The following BBOF1 variants were observed in gnomAD, a reference collection of about 807,000 sequenced individuals.
BBOF1 encodes basal body orientation factor 1.
Under a neutral mutation model 68.0 loss-of-function variants are expected in BBOF1, and 62 were observed. That is an observed-to-expected ratio of 0.91 (90% confidence interval 0.74 to 1.13). The LOEUF is 1.13. Among genes scored for constraint, BBOF1 ranks in the 50% most tolerant of loss-of-function variants. The probability of loss-of-function intolerance (pLI) is 0.00; values close to 1 mark genes in which losing one functional copy is unlikely to be tolerated. For synonymous variants in BBOF1, 208 were observed against 198.8 expected, an observed-to-expected ratio of 1.05 and a Z score of -0.39; for missense variants, 534 against 600.1, an observed-to-expected ratio of 0.89 and a Z score of 1.15.
chr14:74,076,098 T>G (rs1273163266), intron 9 of BBOF1, among the ~76,000 whole-genome samples: 2 of 152,212 alleles, frequency 1.3e-5, no homozygotes, highest in East Asian at 3.8e-4. Flanking sequence ...GTGATGGACA[T>G]ATGTTCATTA....
chr14:74,064,522 T>C (rs2139760635), intron 11 of BBOF1, among the ~76,000 whole-genome samples, 166 bp from the exon 12 acceptor site: 1 of 152,122 alleles, frequency 6.6e-6, no homozygotes, highest in East Asian at 1.9e-4. Context: ...GATTAGGAGT[T>C]AGTCAGATGA....
In BBOF1 at chr14:74,057,139, T is replaced by A. The variant is rs567096598; in HGVS notation, c.1464-5T>A. 1 of 1,609,960 alleles carries A rather than the reference T, an allele frequency of 6.2e-7. No individual in the cohort carries two copies. The highest frequency in any genetic ancestry group is 1.7e-5 in the Admixed American group (1 of 59,630). On this transcript the variant is annotated splice_region_variant and splice_polypyrimidine_tract_variant and intron_variant, in intron 10 of 11. Transcript: ENST00000394009. ...GACGGTTCTGTTATTTTGTCATTAT[T>A]GCAGGGATGAAAGTAAGCTTCAAGA...
chr14:74,066,481 CT>C (rs2060467736), downstream of BBOF1, among the ~76,000 whole-genome samples: 3 of 152,140 alleles, frequency 2.0e-5, no homozygotes, highest in Non-Finnish European at 4.4e-5. Context: ...CTGGAAATAT[CT>C]ATCCCTTTAT....
At chr14:74,057,800 T>TTA in intron 11 of BBOF1, 1 of 1,043,176 alleles carries the variant, frequency 9.6e-7, no homozygotes, top group Admixed American at 5.2e-5. Context: ...TGAATATAAC[T>TTA]GATGAGTTTT....
At chr14:74,060,428 A>T (rs930228472) in intron 11 of BBOF1, 3 of 564,198 alleles carry the variant, frequency 5.3e-6, no homozygotes, top group Non-Finnish European at 9.6e-6. Context: ...TTACCTCAAA[A>T]TAGAAGTATG....
At chr14:74,063,576 G>A (rs1240672790) in intron 11 of BBOF1, among the ~76,000 whole-genome samples, 3 of 151,918 alleles carry the variant, frequency 2.0e-5, no homozygotes, top group African/African-American at 4.8e-5. Context: ...GCATAAAGAA[G>A]GTATCCTGGT....
At chr14:74,020,936 G>T (rs2059274704) in intron 1 of BBOF1, among the ~76,000 whole-genome samples, 1 of 152,144 alleles carries the variant, frequency 6.6e-6, no homozygotes, top group Non-Finnish European at 1.5e-5. Context: ...GAATGGAGCT[G>T]GCCTTAATTT....
At chr14:74,026,056 G>T (rs1028023477) in intron 2 of BBOF1, among the ~76,000 whole-genome samples, 2 of 151,490 alleles carry the variant, frequency 1.3e-5, no homozygotes, top group Non-Finnish European at 2.9e-5. Flanking sequence ...CACGAGAATT[G>T]CTTGAACCCA....
intron 6 of BBOF1, 134 bp downstream of exon 6, chr14:74,046,264 T>A: frequency 1.5e-6 from 1 of 653,288 alleles, no homozygotes; most frequent in Non-Finnish European, 2.5e-6. Context: ...CTACTGTCCC[T>A]CCCTGTTTCT....
intron 8 of BBOF1, among the ~76,000 whole-genome samples, chr14:74,050,961 A>C (rs908486944): frequency 6.6e-6 from 1 of 151,958 alleles, no homozygotes. Flanking sequence ...TACAAAAATT[A>C]GGCTGGGTGT....
intron 2 of BBOF1, among the ~76,000 whole-genome samples, chr14:74,024,746 A>G (rs370810060): frequency 1.3e-5 from 2 of 152,088 alleles, no homozygotes; most frequent in Admixed American, 6.6e-5. Context: ...GATTGCAAGC[A>G]TGAGCCACCA....
At chr14:74,020,652 C>T (rs779228642) in intron 1 of BBOF1, among the ~76,000 whole-genome samples, 5 of 152,134 alleles carry the variant, frequency 3.3e-5, no homozygotes, top group Non-Finnish European at 5.9e-5. Flanking sequence ...TACAGGCACC[C>T]GTCACCACGC....
rs1194925762 is a variant in BBOF1, at chr14:74,057,178, AC to A, written c.1501del (p.Gln501SerfsTer33). 3 of 1,613,452 alleles carry A rather than the reference AC, an allele frequency of 1.9e-6. No individual in the cohort carries two copies. The highest frequency in any genetic ancestry group is 1.1e-5 in the South Asian group (1 of 91,050). ...TAAGCTTCAAGATAAAATCTTCATC[AC>A]CCAGCAAATTGCAATATCAGACTCT... ...ESKLQDKIFITQQIAISDSSG... is the reference protein window; with the variant it reads ...ESKLQDKIFIXQQIAISDSSG... On this transcript the variant is annotated frameshift_variant, in exon 11 of 12. Coordinates refer to ENST00000394009, the MANE Select transcript of BBOF1 (RefSeq NM_025057.3). LOFTEE classifies it high-confidence loss of function.
chr14:74,079,575 G>A (rs796454004), intron 10 of BBOF1, among the ~76,000 whole-genome samples: 1 of 151,948 alleles, frequency 6.6e-6, no homozygotes, highest in African/African-American at 2.4e-5. Context: ...TGGGACTACA[G>A]GCGCCCGCCA....
In BBOF1 at chr14:74,019,440, C is replaced by G; in HGVS notation, c.-39C>G. 1 of 1,585,886 alleles carries G rather than the reference C, an allele frequency of 6.3e-7. No individual in the cohort carries two copies. The highest frequency in any genetic ancestry group is 8.6e-7 in the Non-Finnish European group (1 of 1,166,746). On this transcript the variant is annotated 5_prime_UTR_variant, in exon 1 of 12. Transcript: ENST00000394009. ...ACAGAGCTGGCCAGGGCGGCCGCGGCTGGGCAACTACGACAGCGGAGCCCC... is the reference window on the plus strand; with the variant it reads ...ACAGAGCTGGCCAGGGCGGCCGCGGGTGGGCAACTACGACAGCGGAGCCCC...
chr14:74,064,617 C>T (rs1169750492), intron 11 of BBOF1, 71 bp from the exon 12 acceptor site: 4 of 1,481,532 alleles, frequency 2.7e-6, no homozygotes, highest in Non-Finnish European at 3.8e-6. Flanking sequence ...TTCCTCAAAA[C>T]TTTGTTGCTT....
At chr14:74,034,256 T>A in intron 4 of BBOF1, 85 bp downstream of exon 4, 1 of 868,850 alleles carries the variant, frequency 1.2e-6, no homozygotes, top group Non-Finnish European at 1.6e-6. Flanking sequence ...TTTACTCCTG[T>A]GAGACGGCAA....
chr14:74,035,584 A>ATTTTTTTTTTTTTTTTTTTT (rs71460945), intron 4 of BBOF1, among the ~76,000 whole-genome samples: 1 of 81,392 alleles, frequency 1.2e-5, no homozygotes, highest in African/African-American at 6.4e-5. Context: ...CCCCCAGCTA[A>ATTTTTTTTTTTTTTTTTTTT]TTTTTTTTTT....
downstream of BBOF1, chr14:74,070,960 C>T: frequency 1.8e-6 from 1 of 554,672 alleles, no homozygotes; most frequent in South Asian, 2.0e-5. Context: ...GTGTCTAGCC[C>T]TAATCCATAT....
Sources: allele counts gnomAD v4.1 joint callset (sites outside exome capture counted in the v4.1 genomes callset), GRCh38; gene constraint gnomAD v4.1.1; transcripts MANE v1.5; gene names NCBI Gene and HGNC (gene_info 2026-07-23, HGNC 2026-07-21).